Variants in RASGRP3 observed in about 807,000 individuals in gnomAD.
The protein encoded by RASGRP3 is ras guanyl-releasing protein 3.
Under a neutral mutation model 82.7 loss-of-function variants are expected in RASGRP3, and 54 were observed. The observed-to-expected ratio is 0.65, with a 90% confidence interval of 0.52 to 0.82. The LOEUF (loss-of-function observed/expected upper bound fraction) is 0.82, where lower values mean the gene tolerates loss of function less well. RASGRP3 is among the 40% of genes least tolerant of loss of function. The pLI is 0.00. For synonymous variants in RASGRP3, 309 were observed against 300.5 expected (o/e 1.03, Z -0.29); for missense variants, 861 against 828.9 (o/e 1.04, Z -0.48).
chr2:33,463,592 C>CTTTT (rs56748259), intron 2 of RASGRP3, among the ~76,000 whole-genome samples: 10 of 70,248 alleles, frequency 1.4e-4, no homozygotes, highest in Non-Finnish European at 1.9e-4. Flanking sequence ...CTCCTTCACT[C>CTTTT]TTTTTTTTTT....
At chr2:33,545,562 A>G (rs1674650120) in intron 13 of RASGRP3, among the ~76,000 whole-genome samples, 1 of 152,254 alleles carries the variant, frequency 6.6e-6, no homozygotes, top group East Asian at 1.9e-4. Flanking sequence ...TTTGTGGGAC[A>G]ATGCATTCAT....
rs867545035 is a variant in RASGRP3 at position 33,516,624 on chromosome 2, G to A, written c.153G>A (p.Leu51=). 2 of 1,575,752 alleles carry A rather than the reference G, an allele frequency of 1.3e-6. No individual in the cohort carries two copies. Among genetic ancestry groups the A allele is most frequent in the Non-Finnish European group, 8.7e-7 (1 of 1,152,306 alleles). ...MHRWYLSSTE[L]AEKLLCMYRN... ...GATGGTATTTATCTTCCACTGAATT[G>A]GCAGAAAAACTTCTCTGCATATATC... is the stretch of plus-strand genomic sequence containing the variant. Residue 51 remains leucine (L), a synonymous_variant, in exon 4 of 18, where the codon TTG becomes TTA. Transcript: ENST00000403687.
intron 7 of RASGRP3, among the ~76,000 whole-genome samples, chr2:33,523,608 C>T (rs1672241977): frequency 6.6e-6 from 1 of 152,098 alleles, no homozygotes; most frequent in Non-Finnish European, 1.5e-5. Flanking sequence ...TGGAATACAA[C>T]TTTGAATCTT....
At chr2:33,502,761 C>T (rs370382949) in intron 1 of RASGRP3, among the ~76,000 whole-genome samples, 5 of 152,124 alleles carry the variant, frequency 3.3e-5, no homozygotes, top group South Asian at 4.1e-4. Flanking sequence ...GTGATGCACT[C>T]GCCTTGGCCT....
At chr2:33,462,397 T>TA (rs367642143) in intron 2 of RASGRP3, among the ~76,000 whole-genome samples, 1 of 151,092 alleles carries the variant, frequency 6.6e-6, no homozygotes, top group Non-Finnish European at 1.5e-5. Context: ...TTTTTTTTTT[T>TA]AAGACAGAGT....
chr2:33,453,241 G>A (rs976597263), intron 2 of RASGRP3, among the ~76,000 whole-genome samples: 9 of 152,134 alleles, frequency 5.9e-5, no homozygotes, highest in Admixed American at 1.3e-4. Flanking sequence ...AGCTGAAGAC[G>A]GGCTTAACAC....
chr2:33,449,153 G>A (rs2150881951), intron 2 of RASGRP3, among the ~76,000 whole-genome samples: 1 of 152,324 alleles, frequency 6.6e-6, no homozygotes, highest in Non-Finnish European at 1.5e-5. Flanking sequence ...CTTAAACAAT[G>A]TCTTCATCAT....
chr2:33,515,039 T>A lies in RASGRP3; in HGVS notation c.-98T>A. On this transcript the variant is annotated 5_prime_UTR_variant, in exon 3 of 18. Transcript: ENST00000403687. ...TTCTTGAAGTACAACTAAGGACAGGTCACCACTAGGCACTAACATCGCTGA... is the reference window on the plus strand; with the variant it reads ...TTCTTGAAGTACAACTAAGGACAGGACACCACTAGGCACTAACATCGCTGA... 9.0e-7 allele frequency: 1 copy of A among 1,115,578 alleles called. No individual in the cohort carries two copies. Among genetic ancestry groups the A allele is most frequent in the Non-Finnish European group, 1.4e-6 (1 of 727,276 alleles). The allele number at this position is 1,115,578 out of a possible 1,614,324, so 69.1% of individuals were successfully genotyped here.
intron 2 of RASGRP3, among the ~76,000 whole-genome samples, chr2:33,464,500 G>A (rs553282158): frequency 3.0e-4 from 46 of 150,822 alleles, no homozygotes; most frequent in African/African-American, 1.1e-3. Flanking sequence ...AAAAGATAGG[G>A]TCTTGCTCTG....
chr2:33,558,414 G>T (rs1676258366), intron 16 of RASGRP3, 78 bp downstream of exon 16: 1 of 1,601,320 alleles, frequency 6.2e-7, no homozygotes, highest in Non-Finnish European at 8.5e-7. Context: ...TTAGGTTCTG[G>T]GTCTAAACCC....
chr2:33,464,113 T>TATA (rs1558406315), intron 2 of RASGRP3, among the ~76,000 whole-genome samples: 1 of 130,828 alleles, frequency 7.6e-6, no homozygotes, highest in Non-Finnish European at 1.6e-5. Context: ...TAATAATAAT[T>TATA]ATTATTATTA....
chr2:33,436,907 G>A (rs1269088625), intron 1 of RASGRP3, among the ~76,000 whole-genome samples: 1 of 151,868 alleles, frequency 6.6e-6, no homozygotes, highest in Admixed American at 6.6e-5. Context: ...TTTGATATTT[G>A]TCTGCTTGTC....
At chr2:33,514,522 A>C (rs1248233253) in intron 2 of RASGRP3, among the ~76,000 whole-genome samples, 2 of 148,830 alleles carry the variant, frequency 1.3e-5, no homozygotes, top group South Asian at 4.3e-4. Flanking sequence ...AAAAAAAAAA[A>C]AAAAACCCAA....
At chr2:33,477,699 A>G (rs1021163121) in intron 1 of RASGRP3, among the ~76,000 whole-genome samples, 20 of 152,222 alleles carry the variant, frequency 1.3e-4, no homozygotes, top group African/African-American at 4.1e-4. Flanking sequence ...ACCAGACAGA[A>G]TGCTTCAGAG....
intron 13 of RASGRP3, among the ~76,000 whole-genome samples, chr2:33,543,894 T>A (rs1015292126): frequency 7.2e-5 from 11 of 152,218 alleles, no homozygotes; most frequent in African/African-American, 2.4e-4. Context: ...TTGCTTCTAT[T>A]GCTTAGCTCT....
At position 33,515,057 on chromosome 2, in the gene RASGRP3, A is replaced by G. The variant is rs151310793; in HGVS notation, c.-80A>G. On this transcript the variant is annotated 5_prime_UTR_variant, in exon 3 of 18. Transcript: ENST00000403687. Reference sequence around the variant, plus strand: ...GGACAGGTCACCACTAGGCACTAACATCGCTGACTTGCATGATTATGGAGA... The same window carrying G: ...GGACAGGTCACCACTAGGCACTAACGTCGCTGACTTGCATGATTATGGAGA... The G allele has an allele frequency of 5.5e-4, 744 of 1,362,342 alleles. 7 individuals carry two copies. The East Asian group carries it at 0.014, about 26-fold the overall frequency. The allele number at this position is 1,362,342 out of a possible 1,614,324, so 84.4% of individuals were successfully genotyped here. A position where few individuals can be genotyped will look rare whatever the true frequency, so the allele number is the denominator to read the frequency against.
At chr2:33,444,626 A>G (rs1327553810) in intron 1 of RASGRP3, among the ~76,000 whole-genome samples, 5 of 152,248 alleles carry the variant, frequency 3.3e-5, no homozygotes, top group Non-Finnish European at 7.3e-5. Context: ...ACTCACAGTC[A>G]TCTCCATTCT....
intron 2 of RASGRP3, among the ~76,000 whole-genome samples, chr2:33,468,268 GATAT>G (rs1297963658): frequency 2.0e-5 from 3 of 151,984 alleles, no homozygotes; most frequent in African/African-American, 7.3e-5. Flanking sequence ...TTAAAAATTT[GATAT>G]ATAATGTTTC....
intron 2 of RASGRP3, among the ~76,000 whole-genome samples, chr2:33,461,566 A>G (rs1347031922): frequency 1.3e-5 from 2 of 152,202 alleles, no homozygotes; most frequent in African/African-American, 4.8e-5. Context: ...GCGTGAGCCA[A>G]TGTGCCCAGC....
Sources: gnomAD v4.1 joint callset for allele counts (sites outside exome capture counted in the v4.1 genomes callset) on GRCh38, gnomAD v4.1.1 for gene constraint, MANE v1.5 for transcripts, NCBI Gene and HGNC (gene_info 2026-07-23, HGNC 2026-07-21) for gene names.